ADAMTS6: variants seen among roughly 807,000 people sequenced by gnomAD.
ADAMTS6 encodes the protein ADAM metallopeptidase with thrombospondin type 1 motif 6, also known as A disintegrin and metalloproteinase with thrombospondin motifs 6.
In ADAMTS6, 23 loss-of-function variants were observed where a neutral mutation model predicts 144.3. The observed-to-expected ratio is 0.16, with a 90% CI of 0.11 to 0.23. The LOEUF is 0.23. Among genes scored for constraint, ADAMTS6 ranks in the 10% least tolerant of loss-of-function variants. ADAMTS6 has a pLI of 1.00. For synonymous variants in ADAMTS6, 444 were observed against 457.5 expected, an observed-to-expected ratio of 0.97 and a Z score of 0.38; for missense variants, 999 against 1,379.6, an observed-to-expected ratio of 0.72 and a Z score of 4.37.
intron 11 of ADAMTS6, among the ~76,000 whole-genome samples, chr5:65,285,097 T>C (rs1763263881): frequency 6.6e-6 from 1 of 152,190 alleles, no homozygotes; most frequent in Admixed American, 6.6e-5. Context: ...TAAAAGCCTT[T>C]AATTTTCTAA....
At chr5:65,403,543 G>A (rs1003387836) in intron 7 of ADAMTS6, among the ~76,000 whole-genome samples, 4 of 151,948 alleles carry the variant, frequency 2.6e-5, no homozygotes, top group Admixed American at 6.6e-5. Flanking sequence ...AATAATTGGC[G>A]AGTCTAAAAC....
At chr5:65,222,070 T>C (rs1294760786) in intron 18 of ADAMTS6, among the ~76,000 whole-genome samples, 1 of 152,184 alleles carries the variant, frequency 6.6e-6, no homozygotes, top group Admixed American at 6.5e-5. Flanking sequence ...ACCTATAGAT[T>C]CCATATACTC....
At chr5:65,263,071 C>T in intron 12 of ADAMTS6, 109 bp from the exon 13 acceptor site, 1 of 1,357,598 alleles carries the variant, frequency 7.4e-7, no homozygotes, top group African/African-American at 1.5e-5. Flanking sequence ...TAGCATTCTC[C>T]CAATTGATAA....
chr5:65,388,399 T>C (rs932921383), intron 7 of ADAMTS6, among the ~76,000 whole-genome samples: 11 of 152,106 alleles, frequency 7.2e-5, no homozygotes, highest in Admixed American at 2.0e-4. Flanking sequence ...GATGAAGTTA[T>C]AACACTGAAA....
intron 18 of ADAMTS6, among the ~76,000 whole-genome samples, chr5:65,216,783 A>G (rs573348318): frequency 0.01 from 133 of 12,836 alleles, no homozygotes; most frequent in African/African-American, 0.055. Context: ...TACAAGAAAT[A>G]CACACACACA....
At chr5:65,450,714 A>G (rs1269481164) in intron 7 of ADAMTS6, among the ~76,000 whole-genome samples, 1 of 152,190 alleles carries the variant, frequency 6.6e-6, no homozygotes, top group South Asian at 2.1e-4. Flanking sequence ...AGACAGGATC[A>G]CCAGAATCTG....
intron 7 of ADAMTS6, among the ~76,000 whole-genome samples, chr5:65,432,148 T>A (rs1281305421): frequency 6.6e-6 from 1 of 152,048 alleles, no homozygotes; most frequent in Admixed American, 6.5e-5. Flanking sequence ...TTGACAAATT[T>A]GTAGTGGGGT....
intron 4 of ADAMTS6, among the ~76,000 whole-genome samples, chr5:65,455,831 A>C (rs1457624866): frequency 6.6e-6 from 1 of 151,852 alleles, no homozygotes; most frequent in East Asian, 1.9e-4. Context: ...AAAAAACAAA[A>C]ATGTATTCAG....
chr5:65,349,008 C>T (rs1031844100), intron 7 of ADAMTS6, among the ~76,000 whole-genome samples: 8 of 152,012 alleles, frequency 5.3e-5, no homozygotes, highest in Admixed American at 5.2e-4. Context: ...ATTTTTACTA[C>T]AGTATTATTT....
At chr5:65,337,243 T>G (rs1747392182) in intron 7 of ADAMTS6, among the ~76,000 whole-genome samples, 1 of 152,160 alleles carries the variant, frequency 6.6e-6, no homozygotes, top group African/African-American at 2.4e-5. Context: ...AATATCATGT[T>G]ACCTGCACAT....
At chr5:65,191,615 T>C (rs906419481) in intron 21 of ADAMTS6, among the ~76,000 whole-genome samples, 1 of 152,140 alleles carries the variant, frequency 6.6e-6, no homozygotes, top group South Asian at 2.1e-4. Context: ...ATATAAATTA[T>C]TGTCTACTTA....
At chr5:65,350,632 T>C (rs1041162177) in intron 7 of ADAMTS6, among the ~76,000 whole-genome samples, 2 of 152,150 alleles carry the variant, frequency 1.3e-5, no homozygotes, top group Non-Finnish European at 2.9e-5. Flanking sequence ...TACTTTACTA[T>C]TAAGGGAGTT....
chr5:65,209,540 A>C (rs1756350922), intron 20 of ADAMTS6, among the ~76,000 whole-genome samples: 1 of 152,210 alleles, frequency 6.6e-6, no homozygotes, highest in Admixed American at 6.5e-5. Context: ...CTGAATCACC[A>C]ATGTTTCCTG....
intron 7 of ADAMTS6, among the ~76,000 whole-genome samples, chr5:65,352,983 C>A (rs1164079549): frequency 6.6e-6 from 1 of 152,002 alleles, no homozygotes; most frequent in Admixed American, 6.6e-5. Flanking sequence ...GCACAATGGC[C>A]TACATTCTTT....
At chr5:65,330,084 G>A (rs1390569516) in intron 8 of ADAMTS6, among the ~76,000 whole-genome samples, 8 of 151,914 alleles carry the variant, frequency 5.3e-5, no homozygotes, top group Non-Finnish European at 7.4e-5. Context: ...ATTTTAATAG[G>A]AGGAAAGTCA....
chr5:65,202,645 C>T (rs977991970), intron 20 of ADAMTS6, among the ~76,000 whole-genome samples: 3 of 152,040 alleles, frequency 2.0e-5, no homozygotes, highest in Non-Finnish European at 4.4e-5. Flanking sequence ...TTTATAGTTT[C>T]CCCATTTTAT....
At chr5:65,373,355 A>T (rs202208181) in intron 7 of ADAMTS6, among the ~76,000 whole-genome samples, 5,287 of 146,580 alleles carry the variant, frequency 0.036, 130 homozygotes, top group East Asian at 0.082. Flanking sequence ...ATTGATAAAC[A>T]GCTAGCAAGA....
At chr5:65,300,292 T>A (rs1259938827) in intron 9 of ADAMTS6, among the ~76,000 whole-genome samples, 161 bp from the exon 10 acceptor site, 1 of 152,194 alleles carries the variant, frequency 6.6e-6, no homozygotes, top group Non-Finnish European at 1.5e-5. Context: ...TTAAAGAGAC[T>A]AAGGAATAAG....
chr5:65,170,290 T>C (rs1753535282), intron 24 of ADAMTS6, among the ~76,000 whole-genome samples: 2 of 152,204 alleles, frequency 1.3e-5, no homozygotes, highest in Admixed American at 1.3e-4. Flanking sequence ...TCAAGAGTAG[T>C]TCATTAGGAA....
Sources: gnomAD v4.1 joint callset for allele counts (sites outside exome capture counted in the v4.1 genomes callset) on GRCh38, gnomAD v4.1.1 for gene constraint, MANE v1.5 for transcripts, NCBI Gene and HGNC (gene_info 2026-07-23, HGNC 2026-07-21) for gene names.